BBS9: variants seen among roughly 807,000 people sequenced by gnomAD.
The protein encoded by BBS9 is Bardet-Biedl syndrome 9.
BBS9 carries 89 observed loss-of-function variants against 117.7 expected under a neutral mutation model. The ratio of observed to expected loss-of-function variants is 0.76; its 90% confidence interval spans 0.64 to 0.90. The LOEUF is 0.90. BBS9 is among the 40% of genes least tolerant of loss of function. The pLI is 0.00. For synonymous variants in BBS9, 379 were observed against 370.9 expected (o/e 1.02, Z -0.25); for missense variants, 982 against 1,042.2 (o/e 0.94, Z 0.80).
intron 5 of BBS9, among the ~76,000 whole-genome samples, chr7:33,209,382 T>C (rs184069010): frequency 2.6e-5 from 4 of 152,342 alleles, no homozygotes. Flanking sequence ...TCTTGGCTAT[T>C]GTGAACAGTG....
chr7:33,630,779 A>C (rs1865854050), intron 21 of BBS9, among the ~76,000 whole-genome samples: 1 of 148,962 alleles, frequency 6.7e-6, no homozygotes, highest in African/African-American at 2.4e-5. Context: ...CTCTGGATGC[A>C]GAGGCATGGT....
intron 5 of BBS9, among the ~76,000 whole-genome samples, chr7:33,205,024 A>G (rs1188043620): frequency 1.3e-5 from 2 of 152,210 alleles, no homozygotes; most frequent in Non-Finnish European, 2.9e-5. Flanking sequence ...AGATAGGAAC[A>G]TTGTGCTAAG....
chr7:33,276,180 T>G (rs1800735371), intron 9 of BBS9, among the ~76,000 whole-genome samples: 1 of 152,196 alleles, frequency 6.6e-6, no homozygotes, highest in Non-Finnish European at 1.5e-5. Context: ...CTATTAGAGT[T>G]TTTTTCTTCT....
At chr7:33,223,326 CTGTT>C (rs988108669) in intron 5 of BBS9, among the ~76,000 whole-genome samples, 6 of 151,990 alleles carry the variant, frequency 3.9e-5, no homozygotes, top group Non-Finnish European at 5.9e-5. Context: ...AAAATAGACT[CTGTT>C]TGCAATTTTC....
chr7:33,494,693 T>C lies in BBS9; in HGVS notation c.2116-10770T>C, dbSNP rs149145077. 2.6e-5 allele frequency among the ~76,000 whole-genome samples: 4 copies of C among 152,346 alleles called. No homozygotes were observed. In the East Asian group the frequency reaches 7.7e-4, roughly 29 times the overall value. On this transcript the variant is annotated intron_variant, in intron 19 of 22. Transcript: ENST00000242067. ...GCTACTGAGTCATCAGAATTTTAAA[T>C]TTACTTTAGTATTACAAACATTCAT...
intron 17 of BBS9, among the ~76,000 whole-genome samples, chr7:33,372,103 G>C (rs1355901058): frequency 1.3e-5 from 2 of 152,060 alleles, no homozygotes; most frequent in African/African-American, 4.8e-5. Flanking sequence ...AGTGAACTAG[G>C]TTAAAAAATA....
At chr7:33,130,289 G>A (rs1190043415) in intron 1 of BBS9, among the ~76,000 whole-genome samples, 1 of 152,202 alleles carries the variant, frequency 6.6e-6, no homozygotes, top group Non-Finnish European at 1.5e-5. Flanking sequence ...TGGAGCATGA[G>A]CATCCTCCTG....
chr7:33,489,445 G>A (rs139335825), intron 19 of BBS9, among the ~76,000 whole-genome samples: 3 of 143,988 alleles, frequency 2.1e-5, no homozygotes, highest in Admixed American at 7.4e-5. Flanking sequence ...CCTTCCTTGT[G>A]TACTCATCTC....
chr7:33,354,586 A>G (rs1819293958), intron 15 of BBS9, among the ~76,000 whole-genome samples: 2 of 152,136 alleles, frequency 1.3e-5, no homozygotes, highest in African/African-American at 4.8e-5. Flanking sequence ...GCCCCTGGAA[A>G]GAGTTCTAAA....
intron 5 of BBS9, among the ~76,000 whole-genome samples, chr7:33,212,223 TA>T (rs1220846408): frequency 6.6e-6 from 1 of 152,224 alleles, no homozygotes; most frequent in African/African-American, 2.4e-5. Flanking sequence ...CCTTTGAGGC[TA>T]TTTTTTAGAT....
At chr7:33,413,693 G>A (rs1441268069) in intron 19 of BBS9, among the ~76,000 whole-genome samples, 1 of 152,128 alleles carries the variant, frequency 6.6e-6, no homozygotes, top group Admixed American at 6.6e-5. Flanking sequence ...GCTAAAGACA[G>A]GGACTGGCTA....
chr7:33,260,225 C>A (rs1367855745), intron 6 of BBS9, among the ~76,000 whole-genome samples: 1 of 152,154 alleles, frequency 6.6e-6, no homozygotes, highest in African/African-American at 2.4e-5. Context: ...TGGTTGCGAA[C>A]TCCTGAGCTC....
At chr7:33,379,209 T>A (rs1309586577) in intron 17 of BBS9, among the ~76,000 whole-genome samples, 1 of 152,254 alleles carries the variant, frequency 6.6e-6, no homozygotes, top group Non-Finnish European at 1.5e-5. Flanking sequence ...TTCCATAGAT[T>A]TCCCCATGGC....
intron 21 of BBS9, among the ~76,000 whole-genome samples, chr7:33,552,083 C>T (rs1436863008): frequency 6.6e-6 from 1 of 152,018 alleles, no homozygotes; most frequent in East Asian, 1.9e-4. Flanking sequence ...CTGTAGTGAT[C>T]ATTGAAATGT....
intron 19 of BBS9, among the ~76,000 whole-genome samples, chr7:33,451,854 AAC>A (rs1837922495): frequency 6.6e-6 from 1 of 151,752 alleles, no homozygotes; most frequent in Non-Finnish European, 1.5e-5. Context: ...TTTCTTTTGA[AAC>A]AGAGTCTTGC....
chr7:33,581,182 G>A (rs1343714107), intron 21 of BBS9, among the ~76,000 whole-genome samples: 2 of 151,950 alleles, frequency 1.3e-5, no homozygotes, highest in Non-Finnish European at 2.9e-5. Flanking sequence ...CTTGGGCCAA[G>A]ACACTGTGTA....
chr7:33,536,193 G>T (rs1851338391), intron 21 of BBS9, among the ~76,000 whole-genome samples: 2 of 152,110 alleles, frequency 1.3e-5, no homozygotes, highest in Non-Finnish European at 2.9e-5. Context: ...AGTTCGTTCT[G>T]TTGGAGAGAT....
chr7:33,195,653 C>A (rs1299222754), intron 5 of BBS9, among the ~76,000 whole-genome samples: 1 of 152,086 alleles, frequency 6.6e-6, no homozygotes, highest in Admixed American at 6.5e-5. Context: ...GTCCACAAAT[C>A]AAAATGTTTT....
At position 33,605,337 on chromosome 7, in the gene BBS9, A is replaced by G; in HGVS notation, c.*111A>G. On this transcript the variant is annotated 3_prime_UTR_variant, in exon 23 of 23. Coordinates refer to ENST00000242067, the MANE Select transcript of BBS9 (RefSeq NM_198428.3). ...CTGGCGCAGGTGCTTCCTAAAGCTC[A>G]CCTTCCTGGAGATGACATGCATAGA... The G allele has an allele frequency of 8.9e-7, 1 of 1,121,626 alleles. No individual in the cohort carries two copies. Among genetic ancestry groups the G allele is most frequent in the Non-Finnish European group, 1.4e-6 (1 of 734,058 alleles). 69.5% of individuals were successfully genotyped at this position (1,121,626 alleles called of 1,614,324 possible).
Sources: gnomAD v4.1 joint callset for allele counts (sites outside exome capture counted in the v4.1 genomes callset) on GRCh38, gnomAD v4.1.1 for gene constraint, MANE v1.5 for transcripts, NCBI Gene and HGNC (gene_info 2026-07-23, HGNC 2026-07-21) for gene names.